The following PRRG3 variants were observed in gnomAD, a reference collection of about 807,000 sequenced individuals.
PRRG3 encodes the protein transmembrane gamma-carboxyglutamic acid protein 3.
Under a neutral mutation model 15.8 loss-of-function variants are expected in PRRG3, and 21 were observed. That is an observed-to-expected ratio of 1.33 (90% CI 0.94 to 1.92). The LOEUF is 1.92. Ranked by LOEUF, PRRG3 falls within the 40% of genes most tolerant of loss-of-function variation. The pLI is 0.00. For missense variants in PRRG3, 251 were observed against 200.2 expected, an observed-to-expected ratio of 1.25 and a Z score of -1.53; for synonymous variants, 125 against 84.1, an observed-to-expected ratio of 1.49 and a Z score of -2.66.
chrX:151,705,081 T>A lies in PRRG3; in HGVS notation c.*4048T>A. 1 of 201,440 alleles carries A rather than the reference T, an allele frequency of 5.0e-6. No individual in the cohort carries two copies. The highest frequency in any genetic ancestry group is 9.3e-6 in the Non-Finnish European group (1 of 107,949). The allele number at this position is 201,440 out of a possible 1,213,427, so 16.6% of individuals were successfully genotyped here. On this transcript the variant is annotated 3_prime_UTR_variant, in exon 4 of 4. Transcript: ENST00000674457. ...TATTAAGGATCCCTTCACCGTGCCT[T>A]CAGCTTTGCAGTTCAGCACTTCTCG...
At chrX:151,699,087 G>A (rs1015096578) in intron 2 of PRRG3, among the ~76,000 whole-genome samples, 2 of 113,152 alleles carry the variant, frequency 1.8e-5, no homozygotes, top group Admixed American at 1.8e-4. Context: ...GTGCCTGCCT[G>A]CTGGCAAAGA....
upstream of PRRG3, among the ~76,000 whole-genome samples, chrX:151,694,803 G>C (rs2014727033): frequency 8.9e-6 from 1 of 112,025 alleles, no homozygotes; most frequent in South Asian, 3.7e-4. Flanking sequence ...CCTGGCGCGC[G>C]GGCCTTGGGA....
At chrX:151,697,086 T>TCCTTCCTTCCTTCCTTCCTTCCTA in intron 1 of PRRG3, among the ~76,000 whole-genome samples, 1 of 79,603 alleles carries the variant, frequency 1.3e-5, no homozygotes, top group Non-Finnish European at 2.3e-5. Context: ...TCTCCTTCCT[T>TCCTTCCTTCCTTCCTTCCTTCCTA]CCTTCCTTCC....
chrX:151,705,360 T>C lies in PRRG3; in HGVS notation c.*4327T>C. 2.9e-6 allele frequency: 1 copy of C among 343,292 alleles called. No individual in the cohort carries two copies. Among genetic ancestry groups the C allele is most frequent in the South Asian group, 2.6e-5 (1 of 38,523 alleles). The allele number at this position is 343,292 out of a possible 1,213,427, so 28.3% of individuals were successfully genotyped here. A position where few individuals can be genotyped will look rare whatever the true frequency, so the allele number is the denominator to read the frequency against. ...CCTTTCAGACTGTGGGCAGCGAGTC[T>C]CTCTCTAGCAAGAATTTATCTGACA... On this transcript the variant is annotated 3_prime_UTR_variant, in exon 4 of 4. Transcript: ENST00000674457.
chrX:151,695,146 G>T (rs1170098481), upstream of PRRG3: 3 of 111,815 alleles, frequency 2.7e-5, no homozygotes, highest in East Asian at 8.6e-4. Context: ...TTGCGGCCTG[G>T]CGATCGGGGC....
chrX:151,700,005 A>G lies in PRRG3; in HGVS notation c.17A>G (p.Glu6Gly), dbSNP rs2014834309. The change falls in exon 3 of 4, where the codon GAG becomes GGG. Residue 6 changes from glutamate to glycine, a missense_variant. Transcript: ENST00000674457. MAVFL[E>G]AKDAHSVLKR... is the part of the protein sequence containing the mutation. ...AGGGCTCTCTCCTCAGTGTTTCTGGAGGCCAAGGATGCCCATTCGGTCCTG... is the reference window on the plus strand; with the variant it reads ...AGGGCTCTCTCCTCAGTGTTTCTGGGGGCCAAGGATGCCCATTCGGTCCTG... 8.3e-7 allele frequency: 1 copy of G among 1,206,007 alleles called. No homozygotes were observed. Among genetic ancestry groups the G allele is most frequent in the African/African-American group, 1.7e-5 (1 of 57,828 alleles).
At position 151,702,647 on chromosome X, in the gene PRRG3, T is replaced by C. The variant is rs2014904872; in HGVS notation, c.*1614T>C. On this transcript the variant is annotated 3_prime_UTR_variant, in exon 4 of 4. Coordinates refer to ENST00000674457, the MANE Select transcript of PRRG3 (RefSeq NM_001372163.1). ...AGCAGTCTTAGCTGAGGCCCTCATA[T>C]GCCTCTGATGTTGAGTCTCCACTTG... The C allele has an allele frequency of 8.9e-6, 1 of 112,668 alleles. No homozygotes were observed. Among genetic ancestry groups the C allele is most frequent in the Non-Finnish European group, 1.9e-5 (1 of 53,312 alleles). 9.3% of individuals were successfully genotyped at this position (112,668 alleles called of 1,213,427 possible).
Position 151,701,249 on chromosome X carries a change from A to C in PRRG3, c.*216A>C, listed in dbSNP as rs918506898. The C allele has an allele frequency of 2.6e-5, 8 of 309,398 alleles. No individual in the cohort carries two copies. Among genetic ancestry groups the C allele is most frequent in the Non-Finnish European group, 4.4e-5 (8 of 179,987 alleles). The allele number at this position is 309,398 out of a possible 1,213,427, so 25.5% of individuals were successfully genotyped here. On this transcript the variant is annotated 3_prime_UTR_variant, in exon 4 of 4. Transcript: ENST00000674457. ...TGAGTCGAAGCCCCCGGGAAGAGCC[A>C]AAGGCCAAAGTGCCCAACTCTTTGG...
intron 1 of PRRG3, chrX:151,698,305 A>T (rs2124339207): frequency 8.9e-6 from 1 of 112,275 alleles, no homozygotes; most frequent in South Asian, 3.9e-4. Flanking sequence ...TGTGCTCAAA[A>T]TTAGTTGTGA....
Position 151,700,602 on chromosome X carries a change from G to T in PRRG3, c.265G>T (p.Val89Leu), listed in dbSNP as rs2014853622. Reference sequence around the variant, plus strand: ...GTATGTGGTGGTACCCCTTCTGGGGGTGGCACTGCTGATTGTCATCGCCTT... The same window carrying T: ...GTATGTGGTGGTACCCCTTCTGGGGTTGGCACTGCTGATTGTCATCGCCTT... ...AMYVVVPLLG[V>L]ALLIVIALFI... The change falls in exon 4 of 4, where the codon GTG becomes TTG. Residue 89 changes from valine to leucine, a missense_variant. Physicochemically the swap from Val to Leu is conservative, Grantham distance 32. Coordinates refer to ENST00000674457, the MANE Select transcript of PRRG3 (RefSeq NM_001372163.1). 4 of 1,211,551 alleles carry T rather than the reference G, an allele frequency of 3.3e-6. No individual in the cohort carries two copies. The highest frequency in any genetic ancestry group is 4.5e-6 in the Non-Finnish European group (4 of 895,262).
rs780990958 is a variant in PRRG3 at position 151,700,840 on chromosome X, C to A, written c.503C>A (p.Thr168Lys). 4 of 1,195,440 alleles carry A rather than the reference C, an allele frequency of 3.3e-6. No individual in the cohort carries two copies. Among genetic ancestry groups the A allele is most frequent in the Non-Finnish European group, 4.5e-6 (4 of 886,391 alleles). The change falls in exon 4 of 4, where the codon ACA becomes AAA. Residue 168 changes from threonine (T) to lysine (K), a missense_variant. Thr to Lys is a moderately conservative substitution (Grantham distance 78). Coordinates refer to ENST00000674457, the MANE Select transcript of PRRG3 (RefSeq NM_001372163.1). ...VLGPSRGGRTTVRLESTLYLP... is the reference protein window; with the variant it reads ...VLGPSRGGRTKVRLESTLYLP... ...GGGCCCAGTCGGGGGGGCAGGACCA[C>A]AGTCCGGCTAGAGAGCACCCTCTAC...
rs982159161 is a variant in PRRG3 at position 151,699,835 on chromosome X, C to A, written c.8-161C>A. On this transcript the variant is annotated intron_variant, in intron 2 of 3. Transcript: ENST00000674457. ...AATGTCAGCCCTTCCATCCCTTTCACAAAGGGCCGGCCATGTCCTTTGATC... is the reference window on the plus strand; with the variant it reads ...AATGTCAGCCCTTCCATCCCTTTCAAAAAGGGCCGGCCATGTCCTTTGATC... 4 of 495,634 alleles carry A rather than the reference C, an allele frequency of 8.1e-6. No individual in the cohort carries two copies. In the Admixed American group the frequency reaches 1.2e-4, roughly 15 times the overall value. 40.8% of individuals were successfully genotyped at this position (495,634 alleles called of 1,213,427 possible).
rs748216245 is a variant in PRRG3 at position 151,700,898 on chromosome X, C to A, written c.561C>A (p.Ser187Arg). 7 of 1,208,063 alleles carry A rather than the reference C, an allele frequency of 5.8e-6. No homozygotes were observed. Among genetic ancestry groups the A allele is most frequent in the Middle Eastern group, 2.3e-4 (1 of 4,345 alleles). Residue 187 changes from serine (S) to arginine (R), a missense_variant, in exon 4 of 4, where the codon AGC becomes AGA. Transcript: ENST00000674457. Reference protein sequence around the residue: ...LPELSLSRLSSTTPPPSYEEV... With the variant: ...LPELSLSRLSRTTPPPSYEEV... Reference sequence around the variant, plus strand: ...AGCTCTCTCTCTCCAGACTGTCCAGCACCACCCCTCCCCCCTCCTACGAGG... The same window carrying A: ...AGCTCTCTCTCTCCAGACTGTCCAGAACCACCCCTCCCCCCTCCTACGAGG...
chrX:151,700,919 C>G lies in PRRG3; in HGVS notation c.582C>G (p.Tyr194Ter). The G allele has an allele frequency of 8.3e-7, 1 of 1,210,402 alleles. No individual in the cohort carries two copies. Among genetic ancestry groups the G allele is most frequent in the Non-Finnish European group, 1.1e-6 (1 of 894,573 alleles). Residue 194 changes from tyrosine to a stop codon, truncating the protein, a stop_gained, in exon 4 of 4, where the codon TAC becomes TAG. Coordinates refer to ENST00000674457, the MANE Select transcript of PRRG3 (RefSeq NM_001372163.1). LOFTEE classifies it high-confidence loss of function. Reference sequence around the variant, plus strand: ...CCAGCACCACCCCTCCCCCCTCCTACGAGGAGGTGACTGCGCCCCAAGAGA... The same window carrying G: ...CCAGCACCACCCCTCCCCCCTCCTAGGAGGAGGTGACTGCGCCCCAAGAGA... ...RLSSTTPPPSYEEVTAPQESS... is the reference protein window; with the variant it reads ...RLSSTTPPPS
rs747408582 is a variant in PRRG3, at chrX:151,700,294, C to G, written c.168+138C>G. The G allele has an allele frequency of 6.0e-6, 7 of 1,166,021 alleles. No homozygotes were observed. The African/African-American group carries it at 1.3e-4, about 21-fold the overall frequency. On this transcript the variant is annotated intron_variant, in intron 3 of 3. Coordinates refer to ENST00000674457, the MANE Select transcript of PRRG3 (RefSeq NM_001372163.1). ...CATAGCCACTAGGGCCATCACGGAG[C>G]AGATAAAGTACGTACAGTCCCATTG...
At position 151,701,263 on chromosome X, in the gene PRRG3, C is replaced by T. The variant is rs1380035297; in HGVS notation, c.*230C>T. On this transcript the variant is annotated 3_prime_UTR_variant, in exon 4 of 4. Transcript: ENST00000674457. ...CGGGAAGAGCCAAAGGCCAAAGTGC[C>T]CAACTCTTTGGGATGACCCCCAAGC... 1.0e-5 allele frequency: 3 copies of T among 297,845 alleles called. No homozygotes were observed. The Admixed American group carries it at 1.7e-4, about 17-fold the overall frequency. 24.5% of individuals were successfully genotyped at this position (297,845 alleles called of 1,213,427 possible).
Position 151,703,279 on chromosome X carries a change from T to G in PRRG3, c.*2246T>G, listed in dbSNP as rs1275087991. On this transcript the variant is annotated 3_prime_UTR_variant, in exon 4 of 4. Transcript: ENST00000674457. Reference sequence around the variant, plus strand: ...TTGCACCACGGTCTCTGGGATGGTTTCTGCAGCACATTGTAGAAAAAAGAC... The same window carrying G: ...TTGCACCACGGTCTCTGGGATGGTTGCTGCAGCACATTGTAGAAAAAAGAC... The G allele has an allele frequency of 3.6e-5, 4 of 112,100 alleles. No homozygotes were observed. Among genetic ancestry groups the G allele is most frequent in the Non-Finnish European group, 7.5e-5 (4 of 53,208 alleles). The allele number at this position is 112,100 out of a possible 1,213,427, so 9.2% of individuals were successfully genotyped here.
rs954336149 is a variant in PRRG3 at position 151,704,210 on chromosome X, C to T, written c.*3177C>T. 2.7e-5 allele frequency: 3 copies of T among 109,850 alleles called. No individual in the cohort carries two copies. Among genetic ancestry groups the T allele is most frequent in the Non-Finnish European group, 5.7e-5 (3 of 52,768 alleles). 9.1% of individuals were successfully genotyped at this position (109,850 alleles called of 1,213,427 possible). The stretch of plus-strand genomic sequence containing the variant: ...ACAGGTGCCTGGCGTGTACACACCA[C>T]CCACACAGCTGCGTCCAGCCCTGGC... On this transcript the variant is annotated 3_prime_UTR_variant, in exon 4 of 4. Coordinates refer to ENST00000674457, the MANE Select transcript of PRRG3 (RefSeq NM_001372163.1).
At chrX:151,696,469 G>C (rs1341955218) in intron 1 of PRRG3, among the ~76,000 whole-genome samples, 1 of 110,805 alleles carries the variant, frequency 9.0e-6, no homozygotes, top group Non-Finnish European at 1.9e-5. Context: ...GGTGCGTCAG[G>C]ATAACATGTA....
Sources: allele counts gnomAD v4.1 joint callset (sites outside exome capture counted in the v4.1 genomes callset), GRCh38; gene constraint gnomAD v4.1.1; transcripts MANE v1.5; gene names NCBI Gene and HGNC (gene_info 2026-07-23, HGNC 2026-07-21).